Variants in SPPL3 observed in about 807,000 individuals in gnomAD.
SPPL3 encodes the protein signal peptide peptidase-like 3.
Under a neutral mutation model 42.4 loss-of-function variants are expected in SPPL3, and 5 were observed. The observed-to-expected ratio is 0.12, with a 90% CI of 0.06 to 0.25. The LOEUF is 0.25. Ranked by LOEUF, SPPL3 falls within the 10% of genes least tolerant of loss-of-function variation. The pLI is 1.00. For missense variants in SPPL3, 235 were observed against 489.0 expected (o/e 0.48, Z 4.90); for synonymous variants, 195 against 181.8 (o/e 1.07, Z -0.58).
chr12:120,826,720 A>T (rs1223800166), intron 1 of SPPL3, among the ~76,000 whole-genome samples: 1 of 152,114 alleles, frequency 6.6e-6, no homozygotes, highest in African/African-American at 2.4e-5. Context: ...AAGGTCTTTG[A>T]TCTTTAGCTT....
intron 1 of SPPL3, among the ~76,000 whole-genome samples, chr12:120,822,546 G>C (rs1871105147): frequency 6.6e-6 from 1 of 152,134 alleles, no homozygotes; most frequent in African/African-American, 2.4e-5. Flanking sequence ...ACCTCTCCTA[G>C]TGACAAATTC....
chr12:120,881,295 C>G (rs777167478), intron 1 of SPPL3, among the ~76,000 whole-genome samples: 18 of 150,468 alleles, frequency 1.2e-4, no homozygotes, highest in Non-Finnish European at 2.5e-4. Flanking sequence ...ATGGTGAAAC[C>G]CTGTTGCTAC....
intron 2 of SPPL3, among the ~76,000 whole-genome samples, chr12:120,807,364 T>A (rs940259547): frequency 6.6e-6 from 1 of 152,008 alleles, no homozygotes; most frequent in East Asian, 1.9e-4. Flanking sequence ...ATAAAAAAAA[T>A]AGCCCCTAAC....
intron 1 of SPPL3, among the ~76,000 whole-genome samples, chr12:120,887,251 A>C (rs1215851207): frequency 6.6e-6 from 1 of 152,164 alleles, no homozygotes; most frequent in Admixed American, 6.5e-5. Flanking sequence ...TTTTATGTAA[A>C]TTAGTATCAC....
At chr12:120,892,720 C>T (rs190408582) in intron 1 of SPPL3, among the ~76,000 whole-genome samples, 27 of 152,260 alleles carry the variant, frequency 1.8e-4, no homozygotes, top group African/African-American at 6.0e-4. Context: ...CGGTGGCTCA[C>T]GCCTGTAATC....
intron 1 of SPPL3, among the ~76,000 whole-genome samples, chr12:120,827,895 C>T (rs368500888): frequency 9.9e-5 from 15 of 152,124 alleles, no homozygotes; most frequent in African/African-American, 3.6e-4. Context: ...TCAAGTGATT[C>T]TCCTGCCTCA....
At chr12:120,835,356 C>T (rs1566055893) in intron 1 of SPPL3, 1 of 152,218 alleles carries the variant, frequency 6.6e-6, no homozygotes, top group Non-Finnish European at 1.5e-5. Context: ...GCATGTAGCC[C>T]TTGCTAAACA....
At chr12:120,809,347 A>T (rs2137000485) in intron 2 of SPPL3, among the ~76,000 whole-genome samples, 1 of 152,060 alleles carries the variant, frequency 6.6e-6, no homozygotes, top group South Asian at 2.1e-4. Context: ...TCCGTCTCAA[A>T]AAAAAAAACA....
intron 1 of SPPL3, among the ~76,000 whole-genome samples, chr12:120,832,102 T>A (rs1389166471): frequency 1.3e-5 from 2 of 152,224 alleles, no homozygotes; most frequent in Non-Finnish European, 2.9e-5. Context: ...GAGCTTTTCC[T>A]ATGTGTGGGG....
At chr12:120,803,684 T>C (rs1327138844) in intron 2 of SPPL3, among the ~76,000 whole-genome samples, 1 of 152,200 alleles carries the variant, frequency 6.6e-6, no homozygotes, top group East Asian at 1.9e-4. Flanking sequence ...AAGTTAAATA[T>C]GTGTTCCTAG....
intron 1 of SPPL3, among the ~76,000 whole-genome samples, chr12:120,814,527 C>T (rs1221182487): frequency 3.3e-5 from 5 of 152,148 alleles, no homozygotes; most frequent in Non-Finnish European, 7.3e-5. Flanking sequence ...AATTATGTTT[C>T]TTGCTGTGTG....
intron 1 of SPPL3, among the ~76,000 whole-genome samples, chr12:120,842,330 G>T (rs1258536207): frequency 6.6e-6 from 1 of 152,130 alleles, no homozygotes; most frequent in Non-Finnish European, 1.5e-5. Context: ...TTAGAAACTT[G>T]TTCCTTGACC....
intron 2 of SPPL3, among the ~76,000 whole-genome samples, chr12:120,796,328 A>G (rs1870096672): frequency 6.6e-6 from 1 of 152,196 alleles, no homozygotes; most frequent in Non-Finnish European, 1.5e-5. Flanking sequence ...GTGAGCTGAG[A>G]TCACGCCACT....
chr12:120,793,523 T>C (rs1180128296), intron 2 of SPPL3, among the ~76,000 whole-genome samples: 1 of 152,126 alleles, frequency 6.6e-6, no homozygotes, highest in Non-Finnish European at 1.5e-5. Flanking sequence ...ACTTCACACA[T>C]AGCAGGATGG....
intron 1 of SPPL3, among the ~76,000 whole-genome samples, chr12:120,834,804 C>T (rs1490722806): frequency 1.3e-5 from 2 of 152,150 alleles, no homozygotes; most frequent in Non-Finnish European, 2.9e-5. Context: ...TAACTGTGTG[C>T]ACACAGTAGG....
intron 1 of SPPL3, among the ~76,000 whole-genome samples, chr12:120,834,127 G>A (rs986989247): frequency 4.6e-5 from 7 of 152,108 alleles, no homozygotes; most frequent in Admixed American, 1.3e-4. Context: ...CCAGTTTTAC[G>A]TTAACCACAT....
rs188526461 is a variant in SPPL3, at chr12:120,803,340, C to T, written c.101+7469G>A. Among the ~76,000 whole-genome samples, 6 of 152,078 alleles carry T rather than the reference C, an allele frequency of 3.9e-5. No individual in the cohort carries two copies. The South Asian group carries it at 1.0e-3, about 26-fold the overall frequency. ...CAAAAGTTAGTACATGCTCTGAAAT[C>T]GGGCAGTGAAGAGCACAAATAAACA... On this transcript the variant is annotated intron_variant, in intron 2 of 10. Transcript: ENST00000353487.
chr12:120,812,485 T>A (rs189109297), intron 1 of SPPL3, among the ~76,000 whole-genome samples: 1 of 152,184 alleles, frequency 6.6e-6, no homozygotes, highest in Admixed American at 6.5e-5. Context: ...CAAGTGGATA[T>A]TGAAACCGTT....
intron 1 of SPPL3, among the ~76,000 whole-genome samples, chr12:120,826,130 C>T (rs1013306959): frequency 2.6e-5 from 4 of 150,984 alleles, no homozygotes; most frequent in South Asian, 2.2e-4. Flanking sequence ...CCTGTCTCTA[C>T]TAAAAATACA....
Sources: allele counts gnomAD v4.1 joint callset (sites outside exome capture counted in the v4.1 genomes callset), GRCh38; gene constraint gnomAD v4.1.1; transcripts MANE v1.5; gene names NCBI Gene and HGNC (gene_info 2026-07-23, HGNC 2026-07-21).